The following BPTF variants were observed in gnomAD, a reference collection of about 807,000 sequenced individuals.
BPTF encodes the protein nucleosome-remodeling factor subunit BPTF.
In BPTF, 18 loss-of-function variants were observed where a neutral mutation model predicts 292.5. That is an observed-to-expected ratio of 0.06 (90% CI 0.04 to 0.09). The LOEUF (loss-of-function observed/expected upper bound fraction) is 0.09. Among genes scored for constraint, BPTF ranks in the 10% least tolerant of loss-of-function variants. BPTF has a pLI of 1.00. For missense variants in BPTF, 2,726 were observed against 3,498.7 expected (o/e 0.78, Z 5.57); for synonymous variants, 1,225 against 1,251.9 (o/e 0.98, Z 0.45).
intron 13 of BPTF, 72 bp downstream of exon 13, chr17:67,920,215 A>T: frequency 6.6e-7 from 1 of 1,511,254 alleles, no homozygotes; most frequent in Non-Finnish European, 9.0e-7. Flanking sequence ...AATTTGATAT[A>T]ATTTTTTCTT....
At chr17:67,909,126 C>T (rs1379312564) in intron 9 of BPTF, among the ~76,000 whole-genome samples, 1 of 151,892 alleles carries the variant, frequency 6.6e-6, no homozygotes, top group Non-Finnish European at 1.5e-5. Context: ...TGAGCCACCG[C>T]ACCAGCCTAT....
At chr17:67,898,847 A>G (rs968479689) in intron 7 of BPTF, among the ~76,000 whole-genome samples, 9 of 149,814 alleles carry the variant, frequency 6.0e-5, no homozygotes, top group Non-Finnish European at 1.2e-4. Flanking sequence ...ACTTGAGGCC[A>G]GGAGCTGGAG....
intron 23 of BPTF, among the ~76,000 whole-genome samples, chr17:67,954,852 T>G (rs529095897): frequency 6.6e-6 from 1 of 152,304 alleles, no homozygotes; most frequent in African/African-American, 2.4e-5. Context: ...AAGTTCAGTC[T>G]CTCTCTATAA....
chr17:67,953,107 G>A (rs570566476), intron 23 of BPTF, among the ~76,000 whole-genome samples: 4 of 151,874 alleles, frequency 2.6e-5, no homozygotes, highest in Admixed American at 2.0e-4. Flanking sequence ...GACTACAGGC[G>A]CAGGCTGCAA....
rs752363188 is a variant in BPTF at position 67,911,413 on chromosome 17, A to G, written c.3529A>G (p.Thr1177Ala). Residue 1177 changes from threonine (T) to alanine (A), a missense_variant, in exon 11 of 28, where the codon ACA (threonine) becomes GCA (alanine). Thr to Ala is a moderately conservative substitution (Grantham distance 58). Transcript: ENST00000306378. ...LDDVSIRSPE[T>A]KCPKQNSIEN... is the part of the protein sequence containing the mutation. ...TGATGTCTCCATTCGGAGCCCAGAA[A>G]CAAAATGTCCGAAACAAAATTCCAT... 5 of 1,614,192 alleles carry G rather than the reference A, an allele frequency of 3.1e-6. No individual in the cohort carries two copies. In the East Asian group the frequency reaches 1.1e-4, roughly 36 times the overall value.
chr17:67,842,301 C>A (rs2057619089), intron 1 of BPTF, among the ~76,000 whole-genome samples: 1 of 152,100 alleles, frequency 6.6e-6, no homozygotes, highest in Non-Finnish European at 1.5e-5. Flanking sequence ...CCACTACATC[C>A]TTCTTAAATT....
chr17:67,945,435 C>G lies in BPTF; in HGVS notation c.6727C>G (p.Leu2243Val). The G allele has an allele frequency of 6.2e-7, 1 of 1,613,784 alleles. No individual in the cohort carries two copies. The highest frequency in any genetic ancestry group is 8.5e-7 in the Non-Finnish European group (1 of 1,179,868). Residue 2243 changes from leucine to valine, a missense_variant, in exon 21 of 28, where the codon CTG becomes GTG. By Grantham distance (32) the Leu-to-Val change is conservative. This residue lies in a region of BPTF where 570 missense variants were observed against 633.5 expected (regional missense o/e 0.90). Transcript: ENST00000306378. ...AGTGEQRQSKLSPQMQVHQDK... is the reference protein window; with the variant it reads ...AGTGEQRQSKVSPQMQVHQDK... ...TACAGGTGAACAAAGGCAGAGTAAA[C>G]TGTCACCCCAGATGCAGGTACATCA...
intron 4 of BPTF, among the ~76,000 whole-genome samples, chr17:67,876,548 G>A (rs927212822): frequency 3.3e-5 from 5 of 152,216 alleles, no homozygotes; most frequent in Non-Finnish European, 5.9e-5. Flanking sequence ...GTTCATGCCT[G>A]TAATCCCAGC....
intron 4 of BPTF, among the ~76,000 whole-genome samples, chr17:67,885,408 A>T (rs1228964431): frequency 6.6e-6 from 1 of 152,116 alleles, no homozygotes; most frequent in Non-Finnish European, 1.5e-5. Context: ...ACATGGTGAA[A>T]CCCTATCTCT....
At chr17:67,925,154 A>G (rs868554293) in intron 15 of BPTF, among the ~76,000 whole-genome samples, 6 of 151,504 alleles carry the variant, frequency 4.0e-5, no homozygotes, top group Non-Finnish European at 5.9e-5. Context: ...TGTAAAAAGT[A>G]TACATATTTG....
intron 11 of BPTF, among the ~76,000 whole-genome samples, chr17:67,914,907 A>G (rs1453016253): frequency 2.0e-5 from 3 of 152,202 alleles, no homozygotes; most frequent in African/African-American, 4.8e-5. Context: ...AATGTATGCT[A>G]ACGTCTTAAT....
In BPTF at chr17:67,911,387, A is replaced by G. The variant is rs112921129; in HGVS notation, c.3503A>G (p.Asp1168Gly). ...NKLYPKDRVL[D>G]DVSIRSPETK... ...CTTTATCCAAAAGATCGAGTGTTAG[A>G]TGATGTCTCCATTCGGAGCCCAGAA... Residue 1168 changes from aspartate to glycine, a missense_variant, in exon 11 of 28, where the codon GAT becomes GGT. Physicochemically the swap from Asp to Gly is moderately conservative, Grantham distance 94 (BLOSUM62 -1). This residue lies in a region of BPTF where 713 missense variants were observed against 714.9 expected (regional missense o/e 1.00). Transcript: ENST00000306378. The G allele has an allele frequency of 8.7e-4, 1,402 of 1,614,162 alleles. 9 individuals carry two copies. The African/African-American group carries it at 0.015, about 18-fold the overall frequency.
At chr17:67,974,512 C>T (rs1009006789) in intron 26 of BPTF, 2 of 152,232 alleles carry the variant, frequency 1.3e-5, no homozygotes, top group African/African-American at 2.4e-5. Context: ...GGTACTCAGT[C>T]CCCAAGATTA....
rs782591073 is a variant in BPTF at position 67,945,621 on chromosome 17, G to A, written c.6913G>A (p.Val2305Ile). 3 of 1,613,512 alleles carry A rather than the reference G, an allele frequency of 1.9e-6. No individual in the cohort carries two copies. The South Asian group carries it at 3.3e-5, about 18-fold the overall frequency. ...GCCTGAAGTTCAGACCCAAACAACTGTTTCATCCCATGTCCCTTCTGAAGC... is the reference window on the plus strand; with the variant it reads ...GCCTGAAGTTCAGACCCAAACAACTATTTCATCCCATGTCCCTTCTGAAGC... ...TQPEVQTQTTVSSHVPSEAQP... is the reference protein window; with the variant it reads ...TQPEVQTQTTISSHVPSEAQP... Residue 2305 changes from valine to isoleucine, a missense_variant, in exon 21 of 28, where the codon GTT becomes ATT. Around this residue, in one of 22 missense-constraint regions of BPTF, gnomAD observed 570 missense variants for 633.5 expected, o/e 0.90. Transcript: ENST00000306378.
At position 67,854,963 on chromosome 17, in the gene BPTF, G is replaced by A. The variant is rs1747453472; in HGVS notation, c.1436+201G>A. Among the ~76,000 whole-genome samples, 1 of 152,174 alleles carries A rather than the reference G, an allele frequency of 6.6e-6. No homozygotes were observed. Among genetic ancestry groups the A allele is most frequent in the Admixed American group, 6.5e-5 (1 of 15,274 alleles). The stretch of plus-strand genomic sequence containing the variant: ...GGTAAAGGAAACATATATGAAAGAA[G>A]CAAAATTCCATTGTTTTTTGATGCC... On this transcript the variant is annotated intron_variant, in intron 2 of 27. Transcript: ENST00000306378. The surrounding 1 kb of genome is among the most constrained non-coding windows in gnomAD (Gnocchi z 5.6).
intron 19 of BPTF, 100 bp downstream of exon 19, chr17:67,940,756 C>A: frequency 1.5e-6 from 2 of 1,314,090 alleles, no homozygotes; most frequent in Non-Finnish European, 2.1e-6. Flanking sequence ...TTTAAATGTG[C>A]TGATTTGAAG....
At chr17:67,862,136 C>T (rs1229218664) in intron 2 of BPTF, among the ~76,000 whole-genome samples, 3 of 151,954 alleles carry the variant, frequency 2.0e-5, no homozygotes, top group East Asian at 1.9e-4. Flanking sequence ...CCACCACACC[C>T]GGCTAATTTT....
intron 1 of BPTF, among the ~76,000 whole-genome samples, chr17:67,837,796 G>A (rs1346600785): frequency 6.6e-6 from 1 of 152,172 alleles, no homozygotes; most frequent in Non-Finnish European, 1.5e-5. Flanking sequence ...ACTAGGCCCA[G>A]AGTCCTCTTC....
intron 1 of BPTF, among the ~76,000 whole-genome samples, chr17:67,827,339 A>G (rs146941919): frequency 1.3e-3 from 194 of 152,240 alleles, no homozygotes; most frequent in Middle Eastern, 3.4e-3. Context: ...GAATTTCTCC[A>G]TGGTAACCCC....
Sources: gnomAD v4.1 joint callset for allele counts (sites outside exome capture counted in the v4.1 genomes callset) on GRCh38, gnomAD v4.1.1 for gene constraint, gnomAD v4.1.1 regional missense constraint, Gnocchi (gnomAD v3.1) non-coding constraint, MANE v1.5 for transcripts, NCBI Gene and HGNC (gene_info 2026-07-23, HGNC 2026-07-21) for gene names.